Variants in RALYL observed in about 807,000 individuals in gnomAD.
RALYL encodes the protein RNA-binding Raly-like protein.
Under a neutral mutation model 35.1 loss-of-function variants are expected in RALYL, and 29 were observed. The ratio of observed to expected loss-of-function variants is 0.83; its 90% CI spans 0.61 to 1.13. RALYL has a LOEUF of 1.13. Ranked by LOEUF, RALYL falls within the 50% of genes most tolerant of loss-of-function variation. RALYL has a pLI of 0.00. For missense variants in RALYL, 359 were observed against 360.4 expected (o/e 1.00, Z 0.03); for synonymous variants, 120 against 127.6 (o/e 0.94, Z 0.40).
At chr8:84,691,067 T>G (rs1396455263) in intron 2 of RALYL, among the ~76,000 whole-genome samples, 1 of 152,084 alleles carries the variant, frequency 6.6e-6, no homozygotes, top group Non-Finnish European at 1.5e-5. Flanking sequence ...AGTAATAACA[T>G]TTTCCAGGCA....
chr8:84,697,302 T>C (rs571461362), intron 2 of RALYL, among the ~76,000 whole-genome samples: 1 of 152,156 alleles, frequency 6.6e-6, no homozygotes, highest in African/African-American at 2.4e-5. Flanking sequence ...TTTTAAGCAT[T>C]ATATTTTTAA....
intron 3 of RALYL, among the ~76,000 whole-genome samples, chr8:84,792,828 T>C (rs1210415815): frequency 6.6e-6 from 1 of 152,240 alleles, no homozygotes; most frequent in East Asian, 1.9e-4. Flanking sequence ...AAGCTGTTTG[T>C]ACTCTTCAAA....
Position 84,724,007 on chromosome 8 carries a change from T to C in RALYL, c.257-50572T>C, listed in dbSNP as rs146238199. Among the ~76,000 whole-genome samples the C allele has an allele frequency of 3.9e-3, 591 of 151,960 alleles. 7 individuals are homozygous for C. The highest frequency in any genetic ancestry group is 0.013 in the African/African-American group (542 of 41,548). On this transcript the variant is annotated intron_variant, in intron 2 of 8. Coordinates refer to ENST00000521268, the MANE Select transcript of RALYL (RefSeq NM_173848.7). ...GCTCTGTACCTGGTTCATAGTAGGA[T>C]CTCAGTGAGTATTTGATGAACAAAT...
rs546836369 is a variant in RALYL at position 84,199,812 on chromosome 8, G to A, written c.-24+15388G>A. Among the ~76,000 whole-genome samples the A allele has an allele frequency of 5.9e-5, 9 of 152,280 alleles. 1 individual carries two copies. In the South Asian group the frequency reaches 1.9e-3, roughly 32 times the overall value. On this transcript the variant is annotated intron_variant, in intron 1 of 8. Coordinates refer to ENST00000521268, the MANE Select transcript of RALYL (RefSeq NM_173848.7). ...TCGAAAATGCGTTCACTCTAGGTGT[G>A]TGAATTTATTTCTGAGTTCTCTATG...
chr8:84,349,323 G>A (rs1850423549), intron 1 of RALYL, among the ~76,000 whole-genome samples: 1 of 150,308 alleles, frequency 6.7e-6, no homozygotes, highest in Admixed American at 6.6e-5. Context: ...CTTTATAACA[G>A]CAACTTGTAT....
intron 4 of RALYL, among the ~76,000 whole-genome samples, chr8:84,814,194 A>C (rs1826608121): frequency 1.3e-5 from 2 of 152,170 alleles, no homozygotes; most frequent in Non-Finnish European, 2.9e-5. Context: ...CTATCATTAC[A>C]ATTCTGGAAG....
At chr8:84,227,565 A>T (rs1824250841) in intron 1 of RALYL, among the ~76,000 whole-genome samples, 1 of 152,086 alleles carries the variant, frequency 6.6e-6, no homozygotes, top group South Asian at 2.1e-4. Flanking sequence ...AAGTTACATG[A>T]TCTTATTCTT....
At chr8:84,384,219 T>A (rs1417463806) in intron 1 of RALYL, among the ~76,000 whole-genome samples, 1 of 151,736 alleles carries the variant, frequency 6.6e-6, no homozygotes, top group Non-Finnish European at 1.5e-5. Context: ...GGATAACACT[T>A]GCCCTACCCA....
intron 2 of RALYL, among the ~76,000 whole-genome samples, chr8:84,700,381 A>G (rs1173093479): frequency 6.6e-6 from 1 of 152,190 alleles, no homozygotes; most frequent in Non-Finnish European, 1.5e-5. Context: ...GACAAAGTCC[A>G]AAGAAATGAA....
chr8:84,625,714 C>T (rs947054310), intron 2 of RALYL, among the ~76,000 whole-genome samples: 6 of 152,164 alleles, frequency 3.9e-5, no homozygotes, highest in Admixed American at 6.5e-5. Flanking sequence ...CTCTGGAAGT[C>T]TGAAATCAAA....
rs547679244 is a variant in RALYL at position 84,817,014 on chromosome 8, A to G, written c.365+12212A>G. On this transcript the variant is annotated intron_variant, in intron 4 of 8. Transcript: ENST00000521268. ...TTATATTTATCTCTATTGAAGCACT[A>G]TGTGTGAGCTAAGCATGGACCAGCC... is the stretch of plus-strand genomic sequence containing the variant. Among the ~76,000 whole-genome samples, 30 of 152,258 alleles carry G rather than the reference A, an allele frequency of 2.0e-4. No homozygotes were observed. The South Asian group carries it at 4.8e-3, about 24-fold the overall frequency.
At chr8:84,462,558 T>A (rs886266760) in intron 1 of RALYL, among the ~76,000 whole-genome samples, 14 of 151,484 alleles carry the variant, frequency 9.2e-5, no homozygotes, top group Admixed American at 2.6e-4. Flanking sequence ...TAATCACTTT[T>A]GAGTTACTTT....
At chr8:84,350,267 A>G (rs1850650556) in intron 1 of RALYL, among the ~76,000 whole-genome samples, 1 of 150,466 alleles carries the variant, frequency 6.6e-6, no homozygotes, top group East Asian at 1.9e-4. Flanking sequence ...GCAGTCAACC[A>G]GTTCACAGGG....
chr8:84,887,571 A>G (rs1179726663), intron 7 of RALYL, 33 bp from the exon 8 acceptor site: 3 of 1,576,512 alleles, frequency 1.9e-6, no homozygotes, highest in Admixed American at 3.7e-5. Flanking sequence ...GAGCAACCCA[A>G]GGTAGTAGTC....
chr8:84,346,913 C>T lies in RALYL; in HGVS notation c.-24+162489C>T, dbSNP rs933806006. On this transcript the variant is annotated intron_variant, in intron 1 of 8. Coordinates refer to ENST00000521268, the MANE Select transcript of RALYL (RefSeq NM_173848.7). ...ATAAAATATTTTTAAGAAATAAGGACATTTGGCCAGGCACGGTGGTTCACA... is the reference window on the plus strand; with the variant it reads ...ATAAAATATTTTTAAGAAATAAGGATATTTGGCCAGGCACGGTGGTTCACA... Among the ~76,000 whole-genome samples, 9 of 152,134 alleles carry T rather than the reference C, an allele frequency of 5.9e-5. No homozygotes were observed. The East Asian group carries it at 9.7e-4, about 16-fold the overall frequency.
At chr8:84,616,653 A>G (rs1352101813) in intron 2 of RALYL, among the ~76,000 whole-genome samples, 2 of 151,466 alleles carry the variant, frequency 1.3e-5, no homozygotes, top group Non-Finnish European at 2.9e-5. Context: ...TGTTTTAGAC[A>G]TGAAGTCCTT....
At chr8:84,609,419 G>A (rs562026765) in intron 2 of RALYL, among the ~76,000 whole-genome samples, 38 of 152,108 alleles carry the variant, frequency 2.5e-4, no homozygotes, top group African/African-American at 8.7e-4. Flanking sequence ...CTCATATTAG[G>A]AACTCAGTGC....
chr8:84,764,950 A>G (rs1813555118), intron 2 of RALYL, among the ~76,000 whole-genome samples: 1 of 152,134 alleles, frequency 6.6e-6, no homozygotes, highest in Admixed American at 6.5e-5. Context: ...AAATGTCCAT[A>G]TTTTAGAGCC....
chr8:84,336,278 T>G (rs1847788118), intron 1 of RALYL, among the ~76,000 whole-genome samples: 1 of 152,132 alleles, frequency 6.6e-6, no homozygotes, highest in Admixed American at 6.6e-5. Context: ...GCTGAGACGG[T>G]TTTTCACTTC....
Sources: allele counts gnomAD v4.1 joint callset (sites outside exome capture counted in the v4.1 genomes callset), GRCh38; gene constraint gnomAD v4.1.1; transcripts MANE v1.5; gene names NCBI Gene and HGNC (gene_info 2026-07-23, HGNC 2026-07-21).